DIP2A: variants seen among roughly 807,000 people sequenced by gnomAD.
The protein encoded by DIP2A is DIP2 acetate--CoA ligase A.
A neutral mutation model predicts 177.4 loss-of-function variants in DIP2A; 85 were observed. The observed-to-expected ratio is 0.48, with a 90% CI of 0.40 to 0.57. The LOEUF (loss-of-function observed/expected upper bound fraction) is 0.57, where lower values mean the gene tolerates loss of function less well. Among genes scored for constraint, DIP2A ranks in the 20% least tolerant of loss-of-function variants. The pLI, the probability that DIP2A is intolerant of heterozygous loss-of-function variation, is 0.00. For synonymous variants in DIP2A, 886 were observed against 881.8 expected (o/e 1.00, Z -0.08); for missense variants, 1,791 against 2,100.2 (o/e 0.85, Z 2.88).
At chr21:46,545,839 G>T in intron 19 of DIP2A, 42 bp from the exon 20 acceptor site, 1 of 1,598,208 alleles carries the variant, frequency 6.3e-7, no homozygotes, top group Middle Eastern at 1.7e-4. Context: ...CCAGTTGGTT[G>T]GTTGTCCACA....
Position 46,569,642 on chromosome 21 carries a change from T to G in DIP2A, c.*2020T>G, listed in dbSNP as rs2060927163. Reference sequence around the variant, plus strand: ...GCATTAAAATGTTTTAGAATTACTCTGGGAATTCTGTATATCACACTAAAA... The same window carrying G: ...GCATTAAAATGTTTTAGAATTACTCGGGGAATTCTGTATATCACACTAAAA... On this transcript the variant is annotated 3_prime_UTR_variant, in exon 38 of 38. Transcript: ENST00000417564. The G allele has an allele frequency of 6.6e-6, 1 of 152,234 alleles. No homozygotes were observed. Among genetic ancestry groups the G allele is most frequent in the African/African-American group, 2.4e-5 (1 of 41,470 alleles). The allele number at this position is 152,234 out of a possible 1,614,324, so 9.4% of individuals were successfully genotyped here.
At chr21:46,533,923 A>ATGTG in intron 11 of DIP2A, 81 bp from the exon 12 acceptor site, 1 of 1,201,426 alleles carries the variant, frequency 8.3e-7, no homozygotes, top group African/African-American at 1.5e-5. Flanking sequence ...CTAGTGCTGC[A>ATGTG]TGTTGGAGGC....
At chr21:46,461,901 A>AG (rs1456706548) in intron 1 of DIP2A, among the ~76,000 whole-genome samples, 1 of 151,658 alleles carries the variant, frequency 6.6e-6, no homozygotes, top group Non-Finnish European at 1.5e-5. Context: ...CTCTTCCAAA[A>AG]AAAAAAAAAA....
At chr21:46,515,863 A>C (rs2058551810) in intron 8 of DIP2A, among the ~76,000 whole-genome samples, 1 of 152,004 alleles carries the variant, frequency 6.6e-6, no homozygotes, top group South Asian at 2.1e-4. Context: ...TTGTTGTTTT[A>C]ATCAACCATA....
Position 46,557,064 on chromosome 21 carries a change from G to A in DIP2A, c.3624G>A (p.Leu1208=). The A allele has an allele frequency of 6.2e-7, 1 of 1,605,106 alleles. No individual in the cohort carries two copies. ...YCGLGFALWC[L]CSVYSGHQSV... is the part of the protein sequence containing the mutation. ...GCCTTGGTTTTGCCCTGTGGTGTCT[G>A]TGCAGGTGAGTGCAGGGCCCCTGCT... Residue 1208 remains leucine, a synonymous_variant, in exon 30 of 38, where the codon CTG becomes CTA. Coordinates refer to ENST00000417564, the MANE Select transcript of DIP2A (RefSeq NM_015151.4). The surrounding 1 kb of genome is among the most constrained non-coding windows in gnomAD (Gnocchi z 6.0).
chr21:46,471,904 A>C (rs1422216088), intron 1 of DIP2A, among the ~76,000 whole-genome samples: 1 of 152,202 alleles, frequency 6.6e-6, no homozygotes, highest in African/African-American at 2.4e-5. Flanking sequence ...TTCATAATTT[A>C]AGAGTACCAT....
At chr21:46,495,225 TTCTCTTCTCTTCTCTTCTTTCTCTCTCTC>T (rs879663469) in intron 3 of DIP2A, among the ~76,000 whole-genome samples, 3,731 of 93,172 alleles carry the variant, frequency 0.04, 127 homozygotes, top group African/African-American at 0.17. Flanking sequence ...TTCTCTTCTC[TTCTCTTCTCTTCTCTTCTTTCTCTCTCTC>T]TCTCTCTCTC....
At chr21:46,488,904 T>C (rs2056843449) in intron 2 of DIP2A, among the ~76,000 whole-genome samples, 1 of 152,212 alleles carries the variant, frequency 6.6e-6, no homozygotes, top group Non-Finnish European at 1.5e-5. Context: ...GGAATACAAG[T>C]GTAAGGAAGT....
At chr21:46,575,239 TA>T in the DIP2A span, among the ~76,000 whole-genome samples, 1 of 151,930 alleles carries the variant, frequency 6.6e-6, no homozygotes, top group Non-Finnish European at 1.5e-5. Flanking sequence ...CTATAATGAT[TA>T]AAGAAAAAAA....
chr21:46,560,062 TCA>T, intron 32 of DIP2A, among the ~76,000 whole-genome samples: 1 of 152,272 alleles, frequency 6.6e-6, no homozygotes. Flanking sequence ...ATGTTAATGC[TCA>T]TAGCATTGCC....
rs1020646272 is a variant in DIP2A at position 46,569,697 on chromosome 21, T to C, written c.*2075T>C. ...TATATCATTATGTTAATAAAAGTTA[T>C]TGACTTTGTAATTCTGCATTTTGAA... is the stretch of plus-strand genomic sequence containing the variant. On this transcript the variant is annotated 3_prime_UTR_variant, in exon 38 of 38. Coordinates refer to ENST00000417564, the MANE Select transcript of DIP2A (RefSeq NM_015151.4). 6.6e-5 allele frequency: 10 copies of C among 152,252 alleles called. No homozygotes were observed. The highest frequency in any genetic ancestry group is 1.3e-4 in the Non-Finnish European group (9 of 68,044). 9.4% of individuals were successfully genotyped at this position (152,252 alleles called of 1,614,324 possible).
chr21:46,540,007 G>T lies in DIP2A; in HGVS notation c.2036+16G>T, dbSNP rs779787050. On this transcript the variant is annotated intron_variant, in intron 17 of 37. Coordinates refer to ENST00000417564, the MANE Select transcript of DIP2A (RefSeq NM_015151.4). ...CCATCCGCAGGTAACCTTATTCCTTGCTATGTCTCATGAGCACTTAGTTGA... is the reference window on the plus strand; with the variant it reads ...CCATCCGCAGGTAACCTTATTCCTTTCTATGTCTCATGAGCACTTAGTTGA... 3.6e-5 allele frequency: 58 copies of T among 1,600,074 alleles called. No homozygotes were observed. The highest frequency in any genetic ancestry group is 4.8e-5 in the Non-Finnish European group (56 of 1,167,414).
chr21:46,549,926 A>G (rs2060209370), intron 22 of DIP2A, 41 bp downstream of exon 22: 3 of 1,604,402 alleles, frequency 1.9e-6, no homozygotes, highest in Non-Finnish European at 2.5e-6. Context: ...TGAATCTCCC[A>G]AGCTGGCACC....
At chr21:46,562,111 G>A (rs969837664) in intron 34 of DIP2A, among the ~76,000 whole-genome samples, 2 of 152,236 alleles carry the variant, frequency 1.3e-5, no homozygotes, top group Non-Finnish European at 2.9e-5. Flanking sequence ...GCCATGGAGG[G>A]GGGTTCCGGC....
chr21:46,519,855 ATTTTTTTTTTTTTTTT>A (rs59574579), intron 8 of DIP2A, among the ~76,000 whole-genome samples: 9 of 53,014 alleles, frequency 1.7e-4, no homozygotes, highest in South Asian at 7.9e-4. Flanking sequence ...ATTGATCTAG[ATTTTTTTTTTTTTTTT>A]TTTTTTTTTT....
intron 1 of DIP2A, among the ~76,000 whole-genome samples, chr21:46,473,526 T>C (rs2055584627): frequency 6.6e-6 from 1 of 152,058 alleles, no homozygotes; most frequent in Non-Finnish European, 1.5e-5. Context: ...TTATTTTATT[T>C]TATTTTGGAG....
intron 8 of DIP2A, among the ~76,000 whole-genome samples, chr21:46,516,212 G>T (rs2058565637): frequency 6.6e-6 from 1 of 152,034 alleles, no homozygotes; most frequent in South Asian, 2.1e-4. Context: ...GATGTTCTTT[G>T]AAATTTTCAA....
rs935073522 is a variant in DIP2A at position 46,551,701 on chromosome 21, G to A, written c.2907G>A (p.Gly969=). 2 of 1,614,018 alleles carry A rather than the reference G, an allele frequency of 1.2e-6. No individual in the cohort carries two copies. Among genetic ancestry groups the A allele is most frequent in the Non-Finnish European group, 1.7e-6 (2 of 1,179,890 alleles). The change falls in exon 24 of 38, where the codon GGG becomes GGA. Residue 969 remains glycine (G), a synonymous_variant. Transcript: ENST00000417564. ...GGAAGAGAATCGCTCAGGCTTCCGGGAGAGAGCTCGCCCACCTGGAGGACA... is the reference window on the plus strand; with the variant it reads ...GGAAGAGAATCGCTCAGGCTTCCGGAAGAGAGCTCGCCCACCTGGAGGACA... ...VAGKRIAQAS[G]RELAHLEDSD...
At chr21:46,495,725 A>G (rs1020393394) in intron 3 of DIP2A, among the ~76,000 whole-genome samples, 1 of 152,046 alleles carries the variant, frequency 6.6e-6, no homozygotes, top group African/African-American at 2.4e-5. Flanking sequence ...CTCCAGCTTC[A>G]GCTTCCTGAG....
Sources: gnomAD v4.1 joint callset for allele counts (sites outside exome capture counted in the v4.1 genomes callset) on GRCh38, gnomAD v4.1.1 for gene constraint, Gnocchi (gnomAD v3.1) non-coding constraint, MANE v1.5 for transcripts, NCBI Gene and HGNC (gene_info 2026-07-23, HGNC 2026-07-21) for gene names.